MATR3: variants seen among roughly 807,000 people sequenced by gnomAD.
The protein encoded by MATR3 is matrin-3.
MATR3 carries 4 observed loss-of-function variants against 85.5 expected under a neutral mutation model. The ratio of observed to expected loss-of-function variants is 0.05; its 90% confidence interval spans 0.02 to 0.11. The LOEUF (loss-of-function observed/expected upper bound fraction) is 0.11, where lower values mean the gene tolerates loss of function less well. MATR3 is among the 10% of genes least tolerant of loss of function. The pLI is 1.00. For synonymous variants in MATR3, 336 were observed against 343.1 expected (o/e 0.98, Z 0.23); for missense variants, 685 against 1,016.1 (o/e 0.67, Z 4.43).
chr5:139,297,023 T>G (rs1455212304), intron 1 of MATR3, among the ~76,000 whole-genome samples: 1 of 152,118 alleles, frequency 6.6e-6, no homozygotes, highest in Non-Finnish European at 1.5e-5. Context: ...ATTACAAAAA[T>G]TAGCCGGGCG....
In MATR3 at chr5:139,322,454, GT is replaced by G. The variant is rs1679695072; in HGVS notation, c.1735-8del. 6.2e-7 allele frequency: 1 copy of G among 1,613,328 alleles called. No homozygotes were observed. Among genetic ancestry groups the G allele is most frequent in the African/African-American group, 1.3e-5 (1 of 75,006 alleles). On this transcript the variant is annotated splice_polypyrimidine_tract_variant and splice_region_variant and intron_variant, in intron 10 of 14. Transcript: ENST00000394805. The stretch of plus-strand genomic sequence containing the variant: ...ATGTGTTAACTTCTGCAAAACTTTT[GT>G]CTTTTAGATTCCAAACAGAGGCATT...
At chr5:139,281,345 T>G (rs1048092520) in intron 3 of MATR3, among the ~76,000 whole-genome samples, 5 of 142,980 alleles carry the variant, frequency 3.5e-5, no homozygotes, top group Admixed American at 2.1e-4. Context: ...CTCGAAGTAG[T>G]TTTTTTTTTT....
intron 3 of MATR3, chr5:139,280,456 C>G (rs1753474546): frequency 6.6e-6 from 1 of 152,232 alleles, no homozygotes; most frequent in Non-Finnish European, 1.5e-5. Flanking sequence ...GCATCATACT[C>G]TTCATCTTTT....
chr5:139,276,321 G>C, intron 2 of MATR3: 1 of 431,676 alleles, frequency 2.3e-6, no homozygotes, highest in South Asian at 1.6e-5. Context: ...TGCCAGCATA[G>C]TTGCTTATCC....
At chr5:139,301,406 AC>A (rs1754433195) in intron 1 of MATR3, among the ~76,000 whole-genome samples, 1 of 149,590 alleles carries the variant, frequency 6.7e-6, no homozygotes, top group Non-Finnish European at 1.5e-5. Context: ...TGCAGCCTCC[AC>A]CTCCCGGGTT....
Position 139,322,504 on chromosome 5 carries a change from C to T in MATR3, c.1776C>T (p.Ser592=). Residue 592 remains serine, a splice_region_variant and synonymous_variant, in exon 11 of 15, where the codon TCC becomes TCT. Coordinates refer to ENST00000394805, the MANE Select transcript of MATR3 (RefSeq NM_018834.6). ...RGIDLLKKDK[S]RKRSYSPDGK... ...TTGATTTACTGAAAAAAGATAAATCCCGGTAATTTCATTTTGTTTTTCATA... is the reference window on the plus strand; with the variant it reads ...TTGATTTACTGAAAAAAGATAAATCTCGGTAATTTCATTTTGTTTTTCATA... 6.2e-7 allele frequency: 1 copy of T among 1,613,738 alleles called. No homozygotes were observed.
In MATR3 at chr5:139,285,918, C is replaced by T. The variant is rs1005348112; in HGVS notation, c.-178+6789C>T. 5.3e-5 allele frequency among the ~76,000 whole-genome samples: 8 copies of T among 152,096 alleles called. No homozygotes were observed. In the South Asian group the frequency reaches 8.3e-4, roughly 16 times the overall value. ...GCCTATGGGACACCATCAGGTGAAC[C>T]CATATACGCACTTTGGGTATTTCAG... On this transcript the variant is annotated intron_variant, in intron 3 of 16. Coordinates refer to ENST00000509990, the Ensembl canonical transcript of MATR3.
chr5:139,291,661 C>T (rs1427904573), upstream of MATR3, among the ~76,000 whole-genome samples: 2 of 152,062 alleles, frequency 1.3e-5, no homozygotes, highest in African/African-American at 4.8e-5. Context: ...GCCTCAGCCT[C>T]TCGAGTAGCT....
At position 139,331,427 on chromosome 5, in the gene MATR3, C is replaced by T. The variant is rs1179717784; in HGVS notation, c.*2032C>T. 2 of 453,898 alleles carry T rather than the reference C, an allele frequency of 4.4e-6. No homozygotes were observed. The highest frequency in any genetic ancestry group is 8.8e-6 in the Non-Finnish European group (2 of 226,792). 28.1% of individuals were successfully genotyped at this position (453,898 alleles called of 1,614,324 possible). A position where few individuals can be genotyped will look rare whatever the true frequency, so the allele number is the denominator to read the frequency against. ...ATAGCTTCAACTTTGTTGGATTTAG[C>T]AAGTTGAAGGAAAGAATGCTATGTT... On this transcript the variant is annotated 3_prime_UTR_variant, in exon 15 of 15. Coordinates refer to ENST00000394805, the MANE Select transcript of MATR3 (RefSeq NM_018834.6).
intron 13 of MATR3, 93 bp from the exon 14 acceptor site, chr5:139,326,070 G>A: frequency 8.6e-7 from 1 of 1,166,300 alleles, no homozygotes; most frequent in Non-Finnish European, 1.3e-6. Context: ...TCAAAAACAT[G>A]TTGTTTCATT....
intron 2 of MATR3, chr5:139,311,175 G>A (rs1754952498): frequency 6.6e-6 from 1 of 152,086 alleles, no homozygotes; most frequent in South Asian, 2.1e-4. Context: ...ACAGCACTTT[G>A]GCTGTCTTGT....
chr5:139,325,719 G>A, intron 13 of MATR3, 57 bp downstream of exon 13: 1 of 1,468,374 alleles, frequency 6.8e-7, no homozygotes, highest in South Asian at 1.1e-5. Context: ...CAAACTCTTA[G>A]GTTTTAAAAT....
At chr5:139,280,948 T>C (rs1200956892) in intron 3 of MATR3, among the ~76,000 whole-genome samples, 1 of 152,106 alleles carries the variant, frequency 6.6e-6, no homozygotes, top group Non-Finnish European at 1.5e-5. Context: ...CACCTACTTA[T>C]CCCTGTCGAT....
At chr5:139,293,938 T>C in intron 1 of MATR3, 133 bp downstream of exon 1, 1 of 1,237,152 alleles carries the variant, frequency 8.1e-7, no homozygotes, top group Non-Finnish European at 1.0e-6. Flanking sequence ...CCGCTCTGCC[T>C]CCCTCCGCGT....
chr5:139,303,569 A>G (rs989191138), intron 1 of MATR3, among the ~76,000 whole-genome samples: 3 of 151,986 alleles, frequency 2.0e-5, no homozygotes, highest in Non-Finnish European at 4.4e-5. Flanking sequence ...CCCCCTCTCT[A>G]CCAAAACAAT....
chr5:139,284,419 T>G (rs1753637209), intron 3 of MATR3, among the ~76,000 whole-genome samples: 1 of 152,104 alleles, frequency 6.6e-6, no homozygotes. Context: ...ATGGCCAACA[T>G]GGTGAAACCC....
At chr5:139,319,298 G>A (rs1018541249) in intron 8 of MATR3, 36 bp from the exon 9 acceptor site, 3 of 1,583,112 alleles carry the variant, frequency 1.9e-6, no homozygotes, top group Non-Finnish European at 2.6e-6. Context: ...AATAATTATT[G>A]CACATTTGTC....
intron 1 of MATR3, among the ~76,000 whole-genome samples, chr5:139,296,357 G>A (rs1455442136): frequency 1.3e-5 from 2 of 152,060 alleles, no homozygotes; most frequent in Non-Finnish European, 2.9e-5. Context: ...TGCTAATGTC[G>A]TTTGATTGTT....
intron 2 of MATR3, chr5:139,312,395 G>T (rs571605332): frequency 6.6e-6 from 1 of 152,172 alleles, no homozygotes; most frequent in African/African-American, 2.4e-5. Flanking sequence ...ACTGCACCCG[G>T]CCCTTACAAG....
Sources: gnomAD v4.1 joint callset for allele counts (sites outside exome capture counted in the v4.1 genomes callset) on GRCh38, gnomAD v4.1.1 for gene constraint, MANE v1.5 for transcripts, NCBI Gene and HGNC (gene_info 2026-07-23, HGNC 2026-07-21) for gene names.